UNC5D: variants seen among roughly 807,000 people sequenced by gnomAD.
The protein encoded by UNC5D is unc-5 netrin receptor D, also known as netrin receptor UNC5D.
A neutral mutation model predicts 105.4 loss-of-function variants in UNC5D; 39 were observed. The ratio of observed to expected loss-of-function variants is 0.37; its 90% CI spans 0.29 to 0.48. The LOEUF (loss-of-function observed/expected upper bound fraction) is 0.48. Ranked by LOEUF, UNC5D falls within the 20% of genes least tolerant of loss-of-function variation. The pLI, the probability that UNC5D is intolerant of heterozygous loss-of-function variation, is 0.98. For synonymous variants in UNC5D, 452 were observed against 450.4 expected (o/e 1.00, Z -0.04); for missense variants, 991 against 1,202.4 (o/e 0.82, Z 2.60).
chr8:35,608,665 C>CGTAAG (rs527523419), intron 4 of UNC5D, among the ~76,000 whole-genome samples: 198 of 152,322 alleles, frequency 1.3e-3, no homozygotes, highest in South Asian at 0.012. Flanking sequence ...CTCCAACTTA[C>CGTAAG]ATGTGAGAAC....
At chr8:35,301,085 TAC>T (rs1210081875) in intron 1 of UNC5D, among the ~76,000 whole-genome samples, 1 of 152,136 alleles carries the variant, frequency 6.6e-6, no homozygotes, top group Non-Finnish European at 1.5e-5. Flanking sequence ...GGTTTCTAAA[TAC>T]AGTTTTTTAA....
chr8:35,749,976 TC>T (rs764885615), intron 12 of UNC5D, among the ~76,000 whole-genome samples: 21 of 85,466 alleles, frequency 2.5e-4, no homozygotes, highest in Non-Finnish European at 4.1e-4. Flanking sequence ...TAAAGAGTTG[TC>T]AGAAATAGTT....
intron 3 of UNC5D, among the ~76,000 whole-genome samples, chr8:35,571,137 G>A (rs998246100): frequency 7.2e-5 from 11 of 152,160 alleles, no homozygotes; most frequent in Admixed American, 2.0e-4. Context: ...AGGCATGAAC[G>A]ACTGAGCCTA....
At chr8:35,735,073 C>T (rs1829396905) in intron 11 of UNC5D, among the ~76,000 whole-genome samples, 3 of 152,156 alleles carry the variant, frequency 2.0e-5, no homozygotes, top group Admixed American at 2.0e-4. Flanking sequence ...CCACCACGTG[C>T]CCAGCCTTTA....
At position 35,767,038 on chromosome 8, in the gene UNC5D, T is replaced by C; in HGVS notation, c.2450T>C (p.Ile817Thr). Residue 817 changes from isoleucine (I) to threonine (T), a missense_variant, in exon 15 of 17, where the codon ATC (isoleucine) becomes ACC (threonine). Ile to Thr is a moderately conservative substitution (Grantham distance 89). Around this residue, in one of 3 missense-constraint regions of UNC5D, gnomAD observed 944 missense variants for 1,131.6 expected, o/e 0.83. Coordinates refer to ENST00000404895, the MANE Select transcript of UNC5D (RefSeq NM_080872.4). ...CIRQLKGHEQ[I>T]LQVQTSILES... is the part of the protein sequence containing the mutation. Reference sequence around the variant, plus strand: ...CGGCAGCTCAAAGGCCATGAACAGATCCTCCAAGTGCAGACATCAATCCTA... The same window carrying C: ...CGGCAGCTCAAAGGCCATGAACAGACCCTCCAAGTGCAGACATCAATCCTA... The C allele has an allele frequency of 1.2e-6, 2 of 1,613,734 alleles. No individual in the cohort carries two copies. Among genetic ancestry groups the C allele is most frequent in the Non-Finnish European group, 1.7e-6 (2 of 1,179,806 alleles).
At position 35,612,723 on chromosome 8, in the gene UNC5D, C is replaced by CTTTT. The variant is rs57450378; in HGVS notation, c.570+17088_570+17091dup. Among the ~76,000 whole-genome samples, 210 of 64,680 alleles carry CTTTT rather than the reference C, an allele frequency of 3.2e-3. 4 individuals carry two copies. The highest frequency in any genetic ancestry group is 0.012 in the African/African-American group (175 of 14,014). 42.4% of individuals were successfully genotyped at this position (64,680 alleles called of 152,430 possible). On this transcript the variant is annotated intron_variant, in intron 4 of 16. Transcript: ENST00000404895. ...TATTAGAAACTGCTAAATGTTTTGC[C>CTTTT]TTTTTTTTTTTTTTTTTTTTTTTTT...
chr8:35,525,661 G>A lies in UNC5D; in HGVS notation c.104-23631G>A, dbSNP rs1586047372. The A allele has an allele frequency of 4.3e-6, 7 of 1,612,142 alleles. No individual in the cohort carries two copies. The East Asian group carries it at 1.6e-4, about 36-fold the overall frequency. ...CATTTTAAAGCCAGCATTTTGGATTGGTAGTCAAAGGCTACCACCTCGCCC... is the reference window on the plus strand; with the variant it reads ...CATTTTAAAGCCAGCATTTTGGATTAGTAGTCAAAGGCTACCACCTCGCCC... On this transcript the variant is annotated intron_variant, in intron 1 of 16. Transcript: ENST00000404895.
intron 1 of UNC5D, among the ~76,000 whole-genome samples, chr8:35,504,021 A>C: frequency 6.6e-6 from 1 of 152,218 alleles, no homozygotes; most frequent in Admixed American, 6.5e-5. Context: ...GGTTTGGCTG[A>C]CCTTAATTAA....
At chr8:35,734,405 A>ATTTC (rs570469465) in intron 11 of UNC5D, among the ~76,000 whole-genome samples, 3 of 140,348 alleles carry the variant, frequency 2.1e-5, no homozygotes, top group Non-Finnish European at 4.6e-5. Context: ...GACTTGGGGT[A>ATTTC]TTTCTTTCTT....
At chr8:35,237,496 C>T (rs938360869) in intron 1 of UNC5D, among the ~76,000 whole-genome samples, 3 of 152,050 alleles carry the variant, frequency 2.0e-5, no homozygotes, top group African/African-American at 7.2e-5. Context: ...GGTACTCACC[C>T]TTGGAATTGG....
At position 35,714,590 on chromosome 8, in the gene UNC5D, A is replaced by G. The variant is rs73584835; in HGVS notation, c.1118-7620A>G. The stretch of plus-strand genomic sequence containing the variant: ...AGGGTAGTTACTAAACAATCAGTAA[A>G]GAACAGGTCAAACTTCAAGAGAATC... On this transcript the variant is annotated intron_variant, in intron 8 of 16. Coordinates refer to ENST00000404895, the MANE Select transcript of UNC5D (RefSeq NM_080872.4). Among the ~76,000 whole-genome samples the G allele has an allele frequency of 3.4e-3, 524 of 152,348 alleles. 4 individuals are homozygous for G. The highest frequency in any genetic ancestry group is 0.012 in the African/African-American group (503 of 41,580).
At chr8:35,265,079 T>C (rs1804765304) in intron 1 of UNC5D, among the ~76,000 whole-genome samples, 1 of 152,174 alleles carries the variant, frequency 6.6e-6, no homozygotes, top group Non-Finnish European at 1.5e-5. Flanking sequence ...TCTTCCATAT[T>C]GTGAGGAAAA....
At position 35,318,847 on chromosome 8, in the gene UNC5D, G is replaced by A. The variant is rs143554606; in HGVS notation, c.103+82960G>A. 6.6e-3 allele frequency among the ~76,000 whole-genome samples: 1,003 copies of A among 152,156 alleles called. 5 individuals carry two copies. The highest frequency in any genetic ancestry group is 0.016 in the South Asian group (75 of 4,820). The stretch of plus-strand genomic sequence containing the variant: ...TTGATAATGAGGCAAAAAATATGTG[G>A]TTTCTAGAATTAGCTGTAACCTATC... On this transcript the variant is annotated intron_variant, in intron 1 of 16. Coordinates refer to ENST00000404895, the MANE Select transcript of UNC5D (RefSeq NM_080872.4).
chr8:35,691,390 G>A (rs1288865858), intron 7 of UNC5D, among the ~76,000 whole-genome samples: 1 of 152,146 alleles, frequency 6.6e-6, no homozygotes, highest in African/African-American at 2.4e-5. Flanking sequence ...GGGAGGCTGA[G>A]GCAGAAGGAT....
chr8:35,342,882 A>G (rs894525488), intron 1 of UNC5D, among the ~76,000 whole-genome samples: 1 of 152,142 alleles, frequency 6.6e-6, no homozygotes, highest in Non-Finnish European at 1.5e-5. Flanking sequence ...AGCCATTATG[A>G]CATTGCGTCT....
At chr8:35,775,155 A>G (rs1036886401) in intron 16 of UNC5D, among the ~76,000 whole-genome samples, 2 of 152,130 alleles carry the variant, frequency 1.3e-5, no homozygotes, top group African/African-American at 4.8e-5. Flanking sequence ...CCCCTCTACT[A>G]TCGGGTAACC....
At chr8:35,563,529 C>T (rs1478797938) in intron 2 of UNC5D, among the ~76,000 whole-genome samples, 2 of 151,982 alleles carry the variant, frequency 1.3e-5, no homozygotes, top group Non-Finnish European at 2.9e-5. Context: ...GTGGACTCTA[C>T]ATTTTTCTAA....
At chr8:35,275,164 A>G (rs1456430992) in intron 1 of UNC5D, among the ~76,000 whole-genome samples, 1 of 151,394 alleles carries the variant, frequency 6.6e-6, no homozygotes, top group Non-Finnish European at 1.5e-5. Context: ...ATAATGAAAT[A>G]AGAAGACAAA....
intron 2 of UNC5D, among the ~76,000 whole-genome samples, chr8:35,551,192 A>C (rs1359926876): frequency 1.3e-5 from 2 of 152,184 alleles, no homozygotes; most frequent in African/African-American, 4.8e-5. Context: ...AATTCAGGTG[A>C]GAGAAGGTAA....
Sources: allele counts gnomAD v4.1 joint callset (sites outside exome capture counted in the v4.1 genomes callset), GRCh38; gene constraint gnomAD v4.1.1; regional missense constraint gnomAD v4.1.1; transcripts MANE v1.5; gene names NCBI Gene and HGNC (gene_info 2026-07-23, HGNC 2026-07-21).